The following DIPK1C variants were observed in gnomAD, a reference collection of about 807,000 sequenced individuals.
The protein encoded by DIPK1C is familial non-conventional Alzheimer's dementia.
In DIPK1C, 33 loss-of-function variants were observed where a neutral mutation model predicts 28.0. The ratio of observed to expected loss-of-function variants is 1.18; its 90% CI spans 0.89 to 1.58. The LOEUF is 1.58. Ranked by LOEUF, DIPK1C falls within the 40% of genes most tolerant of loss-of-function variation. The pLI is 0.00. For missense variants in DIPK1C, 569 were observed against 568.5 expected (o/e 1.00, Z -0.01); for synonymous variants, 255 against 248.8 (o/e 1.02, Z -0.23).
chr18:74,447,252 C>T lies in DIPK1C; in HGVS notation c.230G>A (p.Gly77Glu), dbSNP rs1395362103. The part of the protein sequence containing the change: ...CQDYQGGTLA[G>E]DLCEDLCVAG... ...CACACACAGGTCCTCGCAGAGGTCC[C>T]CGGCCAGCGTGCCGCCCTGGTAGTC... Residue 77 changes from glycine to glutamate, a missense_variant, in exon 2 of 4, where the codon GGG (glycine) becomes GAG (glutamate). Transcript: ENST00000343998. The surrounding 1 kb of genome is among the most constrained non-coding windows in gnomAD (Gnocchi z 4.1). The T allele has an allele frequency of 6.5e-7, 1 of 1,544,820 alleles. No individual in the cohort carries two copies. The highest frequency in any genetic ancestry group is 1.2e-5 in the South Asian group (1 of 83,624).
intron 3 of DIPK1C, among the ~76,000 whole-genome samples, chr18:74,439,499 T>G (rs915139096): frequency 1.3e-5 from 2 of 152,166 alleles, no homozygotes; most frequent in Non-Finnish European, 2.9e-5. Flanking sequence ...GCAAGAATTT[T>G]GGGGGTAATT....
the DIPK1C span, among the ~76,000 whole-genome samples, chr18:74,464,161 A>G: frequency 7.3e-4 from 111 of 152,300 alleles, no homozygotes; most frequent in African/African-American, 2.3e-3. Flanking sequence ...ATTGCATAGG[A>G]GAGTTGGTGG....
chr18:74,451,466 A>C (rs1355721572), intron 1 of DIPK1C, among the ~76,000 whole-genome samples: 1 of 152,138 alleles, frequency 6.6e-6, no homozygotes, highest in Non-Finnish European at 1.5e-5. Context: ...CCAGGTCCCC[A>C]CAGCACCGTG....
chr18:74,452,929 G>A (rs1291255079), intron 1 of DIPK1C, among the ~76,000 whole-genome samples: 1 of 152,046 alleles, frequency 6.6e-6, no homozygotes, highest in East Asian at 1.9e-4. Context: ...GTACCCAAAT[G>A]TGTGCGCATA....
chr18:74,451,364 C>T (rs1300564392), intron 1 of DIPK1C, among the ~76,000 whole-genome samples: 1 of 152,194 alleles, frequency 6.6e-6, no homozygotes, highest in African/African-American at 2.4e-5. Flanking sequence ...CAACCTTTGC[C>T]CGGAAGCCAG....
chr18:74,451,412 C>A (rs879454387), intron 1 of DIPK1C, among the ~76,000 whole-genome samples: 2 of 152,188 alleles, frequency 1.3e-5, no homozygotes, highest in Admixed American at 1.3e-4. Context: ...TCCTCTCCTA[C>A]CCCAGTGCTC....
At chr18:74,438,397 A>T (rs12607579) in intron 3 of DIPK1C, among the ~76,000 whole-genome samples, 52,989 of 152,072 alleles carry the variant, frequency 0.35, 9,526 homozygotes, top group Non-Finnish European at 0.39. Flanking sequence ...CATTTCTAGA[A>T]ATAGGATTTC....
At chr18:74,442,484 A>G (rs1191187951) in intron 2 of DIPK1C, among the ~76,000 whole-genome samples, 2 of 152,048 alleles carry the variant, frequency 1.3e-5, no homozygotes, top group South Asian at 2.1e-4. Flanking sequence ...GCCCACCACC[A>G]CACCCGGCTA....
chr18:74,439,642 C>T (rs1268273805), intron 3 of DIPK1C, among the ~76,000 whole-genome samples: 1 of 151,880 alleles, frequency 6.6e-6, no homozygotes, highest in African/African-American at 2.4e-5. Context: ...ATAGTGAGAC[C>T]ATGTCTCTGC....
chr18:74,448,708 C>A (rs1250866622), intron 1 of DIPK1C, among the ~76,000 whole-genome samples: 2 of 152,178 alleles, frequency 1.3e-5, no homozygotes, highest in African/African-American at 4.8e-5. Flanking sequence ...TCAGATACTG[C>A]CCAGCCTCGC....
upstream of DIPK1C, among the ~76,000 whole-genome samples, chr18:74,461,215 T>A (rs140632672): frequency 6.6e-6 from 1 of 152,142 alleles, no homozygotes; most frequent in African/African-American, 2.4e-5. Flanking sequence ...CTCTCAACCA[T>A]CTGCCCAGGA....
rs149051575 is a variant in DIPK1C, at chr18:74,443,614, T to A, written c.877-1498A>T. On this transcript the variant is annotated intron_variant, in intron 2 of 3. Coordinates refer to ENST00000343998, the MANE Select transcript of DIPK1C (RefSeq NM_001044369.3). ...TTATTTCAAAATATGTGGAGAATAA[T>A]GAAGATAAACAATATAGACCTTTTC... Among the ~76,000 whole-genome samples, 428 of 152,318 alleles carry A rather than the reference T, an allele frequency of 2.8e-3. 2 individuals are homozygous for A. The highest frequency in any genetic ancestry group is 9.4e-3 in the African/African-American group (390 of 41,572).
At chr18:74,439,245 A>T (rs1423279701) in intron 3 of DIPK1C, among the ~76,000 whole-genome samples, 4 of 151,710 alleles carry the variant, frequency 2.6e-5, no homozygotes, top group Non-Finnish European at 5.9e-5. Flanking sequence ...TACCTTAAAG[A>T]TTTCATCTTT....
At position 74,436,310 on chromosome 18, in the gene DIPK1C, G is replaced by C; in HGVS notation, c.*191C>G. 1 of 608,904 alleles carries C rather than the reference G, an allele frequency of 1.6e-6. No homozygotes were observed. The allele number at this position is 608,904 out of a possible 1,614,324, so 37.7% of individuals were successfully genotyped here. On this transcript the variant is annotated 3_prime_UTR_variant, in exon 4 of 4. Transcript: ENST00000343998. The stretch of plus-strand genomic sequence containing the variant: ...TCATCTCATTTTACACAAGGCGACA[G>C]GTCAGAGGCCAGGGTGGGACGAGAG...
At chr18:74,452,782 C>A (rs1986427260) in intron 1 of DIPK1C, among the ~76,000 whole-genome samples, 2 of 151,982 alleles carry the variant, frequency 1.3e-5, no homozygotes, top group South Asian at 4.1e-4. Context: ...AGCAGCATGT[C>A]CTGTTGAAAT....
intron 1 of DIPK1C, among the ~76,000 whole-genome samples, chr18:74,454,555 C>A (rs1986465275): frequency 6.6e-6 from 1 of 152,242 alleles, no homozygotes; most frequent in Non-Finnish European, 1.5e-5. Context: ...TTCTTCTGTG[C>A]TCTGGTATTC....
rs1002260940 is a variant in DIPK1C, at chr18:74,447,312, T to A, written c.199-29A>T. ...GAAGGAAGGGAACAGTCGGTCACCATGGGGAGGGCCTGGTGCCATCCGTCT... is the reference window on the plus strand; with the variant it reads ...GAAGGAAGGGAACAGTCGGTCACCAAGGGGAGGGCCTGGTGCCATCCGTCT... On this transcript the variant is annotated intron_variant, in intron 1 of 3. Transcript: ENST00000343998. This position sits in a 1 kb window ranked among gnomAD's most constrained non-coding sequence, Gnocchi z 4.1. 6.7e-7 allele frequency: 1 copy of A among 1,493,542 alleles called. No homozygotes were observed. The highest frequency in any genetic ancestry group is 8.9e-7 in the Non-Finnish European group (1 of 1,117,592). 92.5% of individuals were successfully genotyped at this position (1,493,542 alleles called of 1,614,324 possible).
At position 74,436,448 on chromosome 18, in the gene DIPK1C, A is replaced by C. The variant is rs1249107619; in HGVS notation, c.*53T>G. On this transcript the variant is annotated 3_prime_UTR_variant, in exon 4 of 4. Transcript: ENST00000343998. ...TCATCTTTAAAACAATGGCAGAAGA[A>C]ATCCAGCCAAGGTCACTTTTCCTGT... 23 of 1,477,788 alleles carry C rather than the reference A, an allele frequency of 1.6e-5. No homozygotes were observed. The highest frequency in any genetic ancestry group is 2.1e-5 in the Non-Finnish European group (23 of 1,096,664). 91.5% of individuals were successfully genotyped at this position (1,477,788 alleles called of 1,614,324 possible). A position where few individuals can be genotyped will look rare whatever the true frequency, so the allele number is the denominator to read the frequency against.
intron 1 of DIPK1C, among the ~76,000 whole-genome samples, chr18:74,456,331 C>T (rs866022651): frequency 2.0e-5 from 3 of 152,244 alleles, no homozygotes; most frequent in Admixed American, 6.5e-5. Flanking sequence ...ATGTTTCTTT[C>T]TCTCCCTAAT....
Sources: gnomAD v4.1 joint callset for allele counts (sites outside exome capture counted in the v4.1 genomes callset) on GRCh38, gnomAD v4.1.1 for gene constraint, Gnocchi (gnomAD v3.1) non-coding constraint, MANE v1.5 for transcripts, NCBI Gene and HGNC (gene_info 2026-07-23, HGNC 2026-07-21) for gene names.